Variants in FYCO1 observed in about 807,000 individuals in gnomAD.
FYCO1 encodes FYVE and coiled-coil domain-containing protein 1.
Under a neutral mutation model 165.1 loss-of-function variants are expected in FYCO1, and 122 were observed. The observed-to-expected ratio is 0.74, with a 90% CI of 0.64 to 0.86. The LOEUF (loss-of-function observed/expected upper bound fraction) is 0.86, where lower values mean the gene tolerates loss of function less well. FYCO1 is among the 40% of genes least tolerant of loss of function. The pLI, the probability that FYCO1 is intolerant of heterozygous loss-of-function variation, is 0.00. For synonymous variants in FYCO1, 648 were observed against 742.5 expected (o/e 0.87, Z 2.07); for missense variants, 1,702 against 1,810.3 (o/e 0.94, Z 1.09).
chr3:45,988,263 A>G (rs571040004), intron 1 of FYCO1, among the ~76,000 whole-genome samples: 1 of 152,252 alleles, frequency 6.6e-6, no homozygotes, highest in African/African-American at 2.4e-5. Flanking sequence ...GGAACTCAGC[A>G]TCTTGCCCTC....
chr3:45,930,625 C>A (rs571139863), intron 16 of FYCO1, among the ~76,000 whole-genome samples: 36 of 152,294 alleles, frequency 2.4e-4, no homozygotes, highest in African/African-American at 8.7e-4. Flanking sequence ...GCTCGACCAC[C>A]CAAGTGACAT....
Position 45,966,277 on chromosome 3 carries a change from C to A in FYCO1, c.3057G>T (p.Lys1019Asn). Residue 1019 changes from lysine to asparagine, a missense_variant and splice_region_variant, in exon 8 of 18, where the codon AAG becomes AAT. Physicochemically the swap from Lys to Asn is moderately conservative, Grantham distance 94 (BLOSUM62 0). Coordinates refer to ENST00000296137, the MANE Select transcript of FYCO1 (RefSeq NM_024513.4). ...AEIMDYQSRL[K>N]NAGEECKSLR... ...CCCAAGTGGTTGAAGCTAGGATTACCTTAAGTCTGCTCTGGTAGTCCATGA... is the reference window on the plus strand; with the variant it reads ...CCCAAGTGGTTGAAGCTAGGATTACATTAAGTCTGCTCTGGTAGTCCATGA... 1 of 1,613,762 alleles carries A rather than the reference C, an allele frequency of 6.2e-7. No individual in the cohort carries two copies.
chr3:45,985,361 A>G (rs1707259440), intron 1 of FYCO1, among the ~76,000 whole-genome samples: 1 of 152,084 alleles, frequency 6.6e-6, no homozygotes, highest in African/African-American at 2.4e-5. Flanking sequence ...ATCCCCTTAT[A>G]CCAAAGGCTA....
At chr3:45,960,906 G>A (rs976386942) in intron 11 of FYCO1, among the ~76,000 whole-genome samples, 3 of 152,184 alleles carry the variant, frequency 2.0e-5, no homozygotes, top group African/African-American at 7.2e-5. Context: ...TTCCAATTCG[G>A]TTAGTCTTGG....
chr3:45,936,615 G>A (rs1280609616), intron 14 of FYCO1, 72 bp from the exon 15 acceptor site: 2 of 1,087,718 alleles, frequency 1.8e-6, no homozygotes, highest in African/African-American at 3.1e-5. Flanking sequence ...GGGGTCCGCA[G>A]TCTTGGAGTC....
At chr3:45,922,867 A>T (rs1424961637) in intron 17 of FYCO1, among the ~76,000 whole-genome samples, 1 of 152,156 alleles carries the variant, frequency 6.6e-6, no homozygotes, top group East Asian at 1.9e-4. Flanking sequence ...CTCAGAGAGG[A>T]TGTGGCCAGA....
chr3:45,921,696 T>C lies in FYCO1; in HGVS notation c.*69A>G, dbSNP rs1703098493. 2 of 1,089,352 alleles carry C rather than the reference T, an allele frequency of 1.8e-6. No homozygotes were observed. Among genetic ancestry groups the C allele is most frequent in the Non-Finnish European group, 2.8e-6 (2 of 702,760 alleles). The allele number at this position is 1,089,352 out of a possible 1,614,324, so 67.5% of individuals were successfully genotyped here. On this transcript the variant is annotated 3_prime_UTR_variant, in exon 18 of 18. Transcript: ENST00000296137. ...TGGAGCAGCTGACTTTTTAAAAAAA[T>C]GCTTTATGTGACAGGTGAGGAAGAG...
At chr3:45,942,932 TGA>T (rs1704321568) in intron 14 of FYCO1, among the ~76,000 whole-genome samples, 2 of 152,318 alleles carry the variant, frequency 1.3e-5, no homozygotes, top group Admixed American at 1.3e-4. Flanking sequence ...GACAGATACC[TGA>T]GTGTGTATCT....
At chr3:45,963,648 C>A (rs533054889) in intron 10 of FYCO1, among the ~76,000 whole-genome samples, 6 of 152,294 alleles carry the variant, frequency 3.9e-5, no homozygotes, top group African/African-American at 1.4e-4. Flanking sequence ...CCTGCTACAC[C>A]TTTTTAAAAT....
At chr3:45,960,513 A>C (rs4682800) in intron 11 of FYCO1, among the ~76,000 whole-genome samples, 73,923 of 152,048 alleles carry the variant, frequency 0.49, 19,084 homozygotes, top group South Asian at 0.72. Flanking sequence ...GGTCCACCCA[A>C]ACTTTGGGAA....
chr3:45,979,616 T>C (rs1706944015), intron 4 of FYCO1, 89 bp downstream of exon 4: 2 of 1,505,186 alleles, frequency 1.3e-6, no homozygotes, highest in Non-Finnish European at 9.2e-7. Context: ...CACTTCCTTA[T>C]TTAGCTGTCT....
intron 14 of FYCO1, chr3:45,938,093 A>G (rs771851428): frequency 5.2e-6 from 3 of 576,524 alleles, no homozygotes; most frequent in Non-Finnish European, 8.7e-6. Flanking sequence ...GGTTCTCCCA[A>G]TTTTCCCGCA....
chr3:45,972,976 G>T (rs949470283), intron 6 of FYCO1, 112 bp downstream of exon 6: 4 of 1,060,750 alleles, frequency 3.8e-6, no homozygotes, highest in African/African-American at 3.1e-5. Flanking sequence ...AGTTGAACAG[G>T]TTTGTGTAAT....
rs1205738136 is a variant in FYCO1, at chr3:45,966,489, G to A, written c.2845C>T (p.Arg949Cys). The A allele has an allele frequency of 3.7e-6, 6 of 1,609,776 alleles. No homozygotes were observed. Among genetic ancestry groups the A allele is most frequent in the Non-Finnish European group, 3.4e-6 (4 of 1,176,578 alleles). Reference protein sequence around the residue: ...AASREREGLERQVAGLQQEKE... With the variant: ...AASREREGLECQVAGLQQEKE... ...TCTTGCTGCAGCCCAGCTACTTGGC[G>A]CTCCAGGCCCTCTCGCTCCCTTGAG... Residue 949 changes from arginine (R) to cysteine (C), a missense_variant, in exon 8 of 18, where the codon CGC becomes TGC. Arg to Cys is a radical substitution (Grantham distance 180). Transcript: ENST00000296137.
At chr3:45,933,993 T>C (rs1265781113) in intron 15 of FYCO1, among the ~76,000 whole-genome samples, 9 of 149,638 alleles carry the variant, frequency 6.0e-5, no homozygotes, top group Admixed American at 5.9e-4. Context: ...ATAACCAAAA[T>C]AAAAAAAAAA....
In FYCO1 at chr3:45,968,627, C is replaced by T. The variant is rs143360825; in HGVS notation, c.707G>A (p.Arg236Gln). 9.1e-5 allele frequency: 147 copies of T among 1,614,150 alleles called. No homozygotes were observed. The South Asian group carries it at 9.3e-4, about 10-fold the overall frequency. ...NEALEGFDEMRLELDQLEVRE... is the reference protein window; with the variant it reads ...NEALEGFDEMQLELDQLEVRE... ...CACCTCCAACTGGTCCAGCTCTAGT[C>T]GCATCTCATCAAAGCCCTCCAATGC... The change falls in exon 8 of 18, where the codon CGA (arginine) becomes CAA (glutamine). Residue 236 changes from arginine to glutamine, a missense_variant. Coordinates refer to ENST00000296137, the MANE Select transcript of FYCO1 (RefSeq NM_024513.4).
chr3:45,925,233 A>C (rs1275180027), intron 16 of FYCO1, among the ~76,000 whole-genome samples: 2 of 144,424 alleles, frequency 1.4e-5, no homozygotes, highest in African/African-American at 2.5e-5. Flanking sequence ...CAGCCCTTAC[A>C]TTTTTTTTTT....
chr3:45,975,370 C>T, intron 4 of FYCO1, 25 bp from the exon 5 acceptor site: 1 of 1,558,626 alleles, frequency 6.4e-7, no homozygotes, highest in Non-Finnish European at 8.9e-7. Flanking sequence ...TTACATAGAG[C>T]CAAAGAGCTG....
At chr3:45,965,593 T>C (rs1282552757) in intron 8 of FYCO1, among the ~76,000 whole-genome samples, 2 of 152,244 alleles carry the variant, frequency 1.3e-5, no homozygotes, top group Non-Finnish European at 2.9e-5. Flanking sequence ...CAAAGGCACA[T>C]AGTAACTGCT....
Sources: allele counts gnomAD v4.1 joint callset (sites outside exome capture counted in the v4.1 genomes callset), GRCh38; gene constraint gnomAD v4.1.1; transcripts MANE v1.5; gene names NCBI Gene and HGNC (gene_info 2026-07-23, HGNC 2026-07-21).